The following ARID1B variants were observed in gnomAD, a reference collection of about 807,000 sequenced individuals.
ARID1B encodes AT-rich interaction domain 1B.
In ARID1B, 30 loss-of-function variants were observed where a neutral mutation model predicts 212.3. That is an observed-to-expected ratio of 0.14 (90% confidence interval 0.11 to 0.19). The LOEUF is 0.19. Among genes scored for constraint, ARID1B ranks in the 10% least tolerant of loss-of-function variants. ARID1B has a pLI of 1.00. For missense variants in ARID1B, 2,891 were observed against 3,204.0 expected (o/e 0.90, Z 2.36); for synonymous variants, 1,402 against 1,301.7 (o/e 1.08, Z -1.66).
At chr6:156,786,986 C>A (rs575647306) in intron 1 of ARID1B, among the ~76,000 whole-genome samples, 1 of 140,202 alleles carries the variant, frequency 7.1e-6, no homozygotes, top group African/African-American at 2.7e-5. Context: ...TATATTTTGG[C>A]AAAACAAAAT....
rs139946411 is a variant in ARID1B at position 157,140,470 on chromosome 6, GATAAAA to G, written c.2761+7271_2761+7276del. ...GGGCGACAGAGTGAGACCTTGTCTC[GATAAAA>G]ATAAAAAGAACACTTTTTGCCTATT... On this transcript the variant is annotated intron_variant, in intron 7 of 19. Transcript: ENST00000636930. 2.2e-3 allele frequency: 860 copies of G among 388,848 alleles called. 6 individuals are homozygous for G. The highest frequency in any genetic ancestry group is 0.016 in the African/African-American group (782 of 48,482). 24.1% of individuals were successfully genotyped at this position (388,848 alleles called of 1,614,324 possible).
chr6:156,941,038 T>C (rs1225161821), intron 4 of ARID1B: 2 of 152,214 alleles, frequency 1.3e-5, no homozygotes. Flanking sequence ...CTTCCGTTGA[T>C]TGATCCTTCT....
rs781449234 is a variant in ARID1B, at chr6:157,208,981, A to G, written c.*1090A>G. The G allele has an allele frequency of 1.3e-5, 3 of 230,322 alleles. No individual in the cohort carries two copies. The highest frequency in any genetic ancestry group is 5.7e-5 in the Admixed American group (1 of 17,692). 14.3% of individuals were successfully genotyped at this position (230,322 alleles called of 1,614,324 possible). A position where few individuals can be genotyped will look rare whatever the true frequency, so the allele number is the denominator to read the frequency against. On this transcript the variant is annotated 3_prime_UTR_variant, in exon 20 of 20. Coordinates refer to ENST00000636930, the MANE Select transcript of ARID1B (RefSeq NM_001374828.1). ...TTGCTTCATGAATCAAGGTGTGGAA[A>G]TGGTTATATATGGATTGATTTAGAA... is the stretch of plus-strand genomic sequence containing the variant.
intron 2 of ARID1B, among the ~76,000 whole-genome samples, chr6:156,894,598 A>G (rs536155294): frequency 2.0e-5 from 3 of 152,350 alleles, no homozygotes; most frequent in South Asian, 2.1e-4. Context: ...TTTTCACCAC[A>G]CTTGAATACG....
chr6:157,206,529 C>T lies in ARID1B; in HGVS notation c.5757C>T (p.Asn1919=), dbSNP rs1259694079. Reference sequence around the variant, plus strand: ...CAATAAAGATAGTCAAAAAGAACAACCTGTTTGTTGTTGACCGATCTGACA... The same window carrying T: ...CAATAAAGATAGTCAAAAAGAACAATCTGTTTGTTGTTGACCGATCTGACA... The part of the protein sequence containing the change: ...KLPIKIVKKN[N]LFVVDRSDKL... The change falls in exon 20 of 20, where the codon AAC becomes AAT. Residue 1919 remains asparagine (N), a synonymous_variant. Transcript: ENST00000636930. This position sits in a 1 kb window ranked among gnomAD's most constrained non-coding sequence, Gnocchi z 6.8. The T allele has an allele frequency of 3.1e-6, 5 of 1,614,112 alleles. No individual in the cohort carries two copies. The highest frequency in any genetic ancestry group is 2.2e-5 in the South Asian group (2 of 91,072).
At chr6:156,860,089 G>T (rs573333184) in intron 2 of ARID1B, among the ~76,000 whole-genome samples, 1 of 152,294 alleles carries the variant, frequency 6.6e-6, no homozygotes, top group South Asian at 2.1e-4. Flanking sequence ...TTGCATAAAT[G>T]ACATGAATAT....
intron 12 of ARID1B, among the ~76,000 whole-genome samples, chr6:157,182,031 T>C (rs1253260672): frequency 2.6e-5 from 4 of 152,190 alleles, no homozygotes; most frequent in African/African-American, 9.6e-5. Flanking sequence ...GAGGATCACT[T>C]GAGGCCAGGA....
At chr6:156,826,992 G>C (rs1336295992) in intron 1 of ARID1B, among the ~76,000 whole-genome samples, 1 of 152,082 alleles carries the variant, frequency 6.6e-6, no homozygotes, top group Non-Finnish European at 1.5e-5. Context: ...CCTAAATAAA[G>C]TTCATGGGTT....
At chr6:157,082,236 TC>T (rs1427016702) in intron 4 of ARID1B, among the ~76,000 whole-genome samples, 1 of 152,134 alleles carries the variant, frequency 6.6e-6, no homozygotes, top group Non-Finnish European at 1.5e-5. Flanking sequence ...TTCCTGTTTT[TC>T]CCCCAAGGAA....
In ARID1B at chr6:157,092,853, A is replaced by AC. The variant is rs113444554; in HGVS notation, c.2491+7949dup. ...TTCTTGCTCTGCAATCTCAGCAGTG[A>AC]CTCATGTGTTTTCATGGTGGGTCTA... On this transcript the variant is annotated intron_variant, in intron 5 of 19. Coordinates refer to ENST00000636930, the MANE Select transcript of ARID1B (RefSeq NM_001374828.1). Among the ~76,000 whole-genome samples the AC allele has an allele frequency of 1.7e-4, 26 of 152,196 alleles. 1 individual carries two copies. The highest frequency in any genetic ancestry group is 5.8e-4 in the African/African-American group (24 of 41,520).
At chr6:157,177,773 T>C (rs1308762203) in intron 11 of ARID1B, among the ~76,000 whole-genome samples, 2 of 152,188 alleles carry the variant, frequency 1.3e-5, no homozygotes, top group Non-Finnish European at 2.9e-5. Context: ...CTCCACAAAG[T>C]TTCACAGCAG....
At chr6:157,120,332 G>A (rs1787622706) in intron 6 of ARID1B, among the ~76,000 whole-genome samples, 1 of 152,176 alleles carries the variant, frequency 6.6e-6, no homozygotes, top group South Asian at 2.1e-4. Flanking sequence ...GAGTTTGTGG[G>A]GTGGATGGGG....
chr6:156,921,794 G>A (rs1790826508), intron 3 of ARID1B, among the ~76,000 whole-genome samples: 1 of 152,120 alleles, frequency 6.6e-6, no homozygotes, highest in South Asian at 2.1e-4. Context: ...TTGATACAAT[G>A]CAAAACAACA....
chr6:156,980,297 A>T (rs1230422153), intron 4 of ARID1B, among the ~76,000 whole-genome samples: 1 of 152,090 alleles, frequency 6.6e-6, no homozygotes, highest in Admixed American at 6.5e-5. Flanking sequence ...ACCCCGGCCC[A>T]CACAATGAAA....
At chr6:156,984,467 G>A (rs1217126487) in intron 4 of ARID1B, among the ~76,000 whole-genome samples, 1 of 152,138 alleles carries the variant, frequency 6.6e-6, no homozygotes, top group Non-Finnish European at 1.5e-5. Flanking sequence ...CCTGCTTGGT[G>A]TTTACTGACT....
intron 4 of ARID1B, among the ~76,000 whole-genome samples, chr6:157,060,303 T>A (rs969391645): frequency 1.3e-5 from 2 of 152,342 alleles, no homozygotes; most frequent in East Asian, 3.9e-4. Context: ...TTTTACATTG[T>A]AATAGGGTAT....
At chr6:157,171,808 TG>T (rs1791731084) in intron 9 of ARID1B, among the ~76,000 whole-genome samples, 1 of 152,246 alleles carries the variant, frequency 6.6e-6, no homozygotes, top group African/African-American at 2.4e-5. Flanking sequence ...TTCAAATCAG[TG>T]TAAATTGTCA....
chr6:157,153,084 G>A (rs762814808), intron 8 of ARID1B, among the ~76,000 whole-genome samples: 4 of 152,136 alleles, frequency 2.6e-5, no homozygotes, highest in Admixed American at 6.5e-5. Flanking sequence ...GTATAAGATA[G>A]TAGAGAGAAA....
intron 4 of ARID1B, among the ~76,000 whole-genome samples, chr6:157,039,161 C>T (rs1781527805): frequency 6.6e-6 from 1 of 152,010 alleles, no homozygotes; most frequent in South Asian, 2.1e-4. Context: ...AGGCGTTAGC[C>T]ACTGCTCCTG....
Sources: allele counts gnomAD v4.1 joint callset (sites outside exome capture counted in the v4.1 genomes callset), GRCh38; gene constraint gnomAD v4.1.1; non-coding constraint Gnocchi (gnomAD v3.1); transcripts MANE v1.5; gene names NCBI Gene and HGNC (gene_info 2026-07-23, HGNC 2026-07-21).